THSD4: variants seen among roughly 807,000 people sequenced by gnomAD.
THSD4 encodes thrombospondin type-1 domain-containing protein 4.
A neutral mutation model predicts 119.0 loss-of-function variants in THSD4; 69 were observed. The ratio of observed to expected loss-of-function variants is 0.58; its 90% CI spans 0.48 to 0.71. THSD4 has a LOEUF of 0.71. Ranked by LOEUF, THSD4 falls within the 30% of genes least tolerant of loss-of-function variation. The probability of loss-of-function intolerance (pLI) is 0.00; values close to 1 mark genes in which losing one functional copy is unlikely to be tolerated. For missense variants in THSD4, 1,393 were observed against 1,391.1 expected (o/e 1.00, Z -0.02); for synonymous variants, 524 against 540.4 (o/e 0.97, Z 0.42).
intron 6 of THSD4, among the ~76,000 whole-genome samples, chr15:71,291,403 A>G (rs2044789819): frequency 6.6e-6 from 1 of 152,160 alleles, no homozygotes; most frequent in African/African-American, 2.4e-5. Context: ...CAAGTTGGAG[A>G]CCCAGGAGAG....
At chr15:71,315,317 T>G (rs2045171206) in intron 6 of THSD4, among the ~76,000 whole-genome samples, 1 of 152,254 alleles carries the variant, frequency 6.6e-6, no homozygotes, top group South Asian at 2.1e-4. Flanking sequence ...GCCCAAAACC[T>G]GGACTTTTAA....
chr15:71,566,901 A>C (rs538071668), intron 7 of THSD4, among the ~76,000 whole-genome samples: 66 of 148,748 alleles, frequency 4.4e-4, no homozygotes, highest in Admixed American at 1.5e-3. Flanking sequence ...GAGTACTGTC[A>C]TTTTTTTTTT....
chr15:71,736,517 G>C (rs1205331588), intron 10 of THSD4, among the ~76,000 whole-genome samples: 3 of 138,448 alleles, frequency 2.2e-5, no homozygotes, highest in South Asian at 2.4e-4. Flanking sequence ...CTCTCTATCT[G>C]TGTCTCTGTC....
chr15:71,112,410 T>G, upstream of THSD4: 1 of 512,528 alleles, frequency 2.0e-6, no homozygotes, highest in South Asian at 7.3e-5. Flanking sequence ...GACAGAAGAG[T>G]TATGTTTCTT....
At chr15:71,113,399 G>A (rs567470884), upstream of THSD4, 1 of 152,310 alleles carries the variant, frequency 6.6e-6, no homozygotes, top group African/African-American at 2.4e-5. Context: ...TAGAGGAAGA[G>A]GGTGGGGGAT....
chr15:71,383,295 A>G (rs1243236666), intron 6 of THSD4, among the ~76,000 whole-genome samples: 3 of 152,178 alleles, frequency 2.0e-5, no homozygotes, highest in African/African-American at 7.2e-5. Context: ...CCCTTTTATC[A>G]TAAGCATCTA....
chr15:71,631,094 G>C (rs2050619883), intron 7 of THSD4, among the ~76,000 whole-genome samples: 1 of 152,168 alleles, frequency 6.6e-6, no homozygotes, highest in Non-Finnish European at 1.5e-5. Context: ...GCATTGGATG[G>C]CTTGGAAAAG....
chr15:71,629,898 G>A (rs551267235), intron 7 of THSD4, among the ~76,000 whole-genome samples: 1 of 152,292 alleles, frequency 6.6e-6, no homozygotes, highest in Non-Finnish European at 1.5e-5. Flanking sequence ...AGGTAGTGAT[G>A]GCTTGGCTCT....
chr15:71,518,275 T>C (rs995473219), intron 7 of THSD4, among the ~76,000 whole-genome samples: 1 of 152,144 alleles, frequency 6.6e-6, no homozygotes, highest in Non-Finnish European at 1.5e-5. Context: ...TGCTAATTTA[T>C]ATAAGAAGTT....
At chr15:71,513,411 T>A (rs1419463514) in intron 7 of THSD4, among the ~76,000 whole-genome samples, 3 of 152,186 alleles carry the variant, frequency 2.0e-5, no homozygotes, top group African/African-American at 4.8e-5. Context: ...TGGAAAGAAC[T>A]CAATAAGACT....
chr15:71,211,187 T>C (rs1303044958), intron 3 of THSD4, among the ~76,000 whole-genome samples: 1 of 152,222 alleles, frequency 6.6e-6, no homozygotes, highest in African/African-American at 2.4e-5. Context: ...TGGTGCTTTA[T>C]TTTGCATTAT....
Position 71,747,165 on chromosome 15 carries a change from G to A in THSD4, c.2241+123G>A, listed in dbSNP as rs569086032. On this transcript the variant is annotated intron_variant, in intron 13 of 17. Transcript: ENST00000261862. Reference sequence around the variant, plus strand: ...TCCACAGGAGGGAACCCGTCCCGTGGGGGTCTGGACGGCTGTTTTTGCAAA... The same window carrying A: ...TCCACAGGAGGGAACCCGTCCCGTGAGGGTCTGGACGGCTGTTTTTGCAAA... The A allele has an allele frequency of 2.0e-5, 24 of 1,183,046 alleles. No homozygotes were observed. The African/African-American group carries it at 3.5e-4, about 17-fold the overall frequency. 73.3% of individuals were successfully genotyped at this position (1,183,046 alleles called of 1,614,324 possible).
At chr15:71,374,758 C>G (rs1219126143) in intron 6 of THSD4, among the ~76,000 whole-genome samples, 2 of 152,304 alleles carry the variant, frequency 1.3e-5, no homozygotes. Context: ...AACGCCCAAT[C>G]TCTGTTTATA....
chr15:71,442,436 G>A (rs1417040184), intron 7 of THSD4, among the ~76,000 whole-genome samples: 2 of 150,268 alleles, frequency 1.3e-5, no homozygotes, highest in Non-Finnish European at 3.0e-5. Context: ...GGGCGTGGTG[G>A]CACATACCTG....
intron 8 of THSD4, among the ~76,000 whole-genome samples, chr15:71,711,106 T>C (rs1021489034): frequency 4.0e-5 from 6 of 149,292 alleles, no homozygotes; most frequent in Non-Finnish European, 8.9e-5. Context: ...CATATATATA[T>C]ATAACATTGG....
intron 7 of THSD4, among the ~76,000 whole-genome samples, chr15:71,467,356 C>A (rs2140630520): frequency 6.6e-6 from 1 of 152,286 alleles, no homozygotes; most frequent in South Asian, 2.1e-4. Flanking sequence ...ACACTGGAGC[C>A]TTCATAAGGA....
intron 7 of THSD4, among the ~76,000 whole-genome samples, chr15:71,580,653 C>T (rs772253255): frequency 6.6e-6 from 1 of 152,166 alleles, no homozygotes; most frequent in Non-Finnish European, 1.5e-5. Context: ...TGAAGTTCCA[C>T]CACCAAGGCC....
chr15:71,612,231 A>G (rs190680783), intron 7 of THSD4, among the ~76,000 whole-genome samples: 1 of 152,172 alleles, frequency 6.6e-6, no homozygotes, highest in Non-Finnish European at 1.5e-5. Flanking sequence ...CAGTGTGATC[A>G]CTAAAGGGGA....
chr15:71,466,820 C>T (rs2047507415), intron 7 of THSD4, among the ~76,000 whole-genome samples: 2 of 152,180 alleles, frequency 1.3e-5, no homozygotes, highest in Non-Finnish European at 2.9e-5. Flanking sequence ...TCACACAGTC[C>T]TCCCCTCATG....
Sources: gnomAD v4.1 joint callset for allele counts (sites outside exome capture counted in the v4.1 genomes callset) on GRCh38, gnomAD v4.1.1 for gene constraint, MANE v1.5 for transcripts, NCBI Gene and HGNC (gene_info 2026-07-23, HGNC 2026-07-21) for gene names.